OTOG: variants seen among roughly 807,000 people sequenced by gnomAD.
The protein encoded by OTOG is otogelin.
In OTOG, 296 loss-of-function variants were observed where a neutral mutation model predicts 313.8. The observed-to-expected ratio is 0.94, with a 90% confidence interval of 0.86 to 1.04. OTOG has a LOEUF of 1.04. Ranked by LOEUF, OTOG falls within the 50% of genes least tolerant of loss-of-function variation. The pLI is 0.00. For synonymous variants in OTOG, 1,533 were observed against 1,554.9 expected, an observed-to-expected ratio of 0.99 and a Z score of 0.33; for missense variants, 3,948 against 3,840.1, an observed-to-expected ratio of 1.03 and a Z score of -0.74.
chr11:17,573,377 A>G, intron 19 of OTOG, 87 bp downstream of exon 19: 1 of 1,353,040 alleles, frequency 7.4e-7, no homozygotes, highest in Non-Finnish European at 9.9e-7. Context: ...CTCCACTGGG[A>G]TGCCCTCCAG....
rs1321851215 is a variant in OTOG at position 17,600,171 on chromosome 11, C to T, written c.3709+474C>T. On this transcript the variant is annotated intron_variant, in intron 31 of 55. Transcript: ENST00000399397. ...AAACTCAGCCAAGGTTGCAGGGTTCCGGGAGATGCTCTGACATTTAGATTA... is the reference window on the plus strand; with the variant it reads ...AAACTCAGCCAAGGTTGCAGGGTTCTGGGAGATGCTCTGACATTTAGATTA... Among the ~76,000 whole-genome samples, 9 of 151,746 alleles carry T rather than the reference C, an allele frequency of 5.9e-5. 1 individual carries two copies. Among genetic ancestry groups the T allele is most frequent in the South Asian group, 2.1e-4 (1 of 4,808 alleles).
rs1488432436 is a variant in OTOG, at chr11:17,609,938, G to A, written c.4638G>A (p.Thr1546=). 23 of 1,535,492 alleles carry A rather than the reference G, an allele frequency of 1.5e-5. No individual in the cohort carries two copies. The highest frequency in any genetic ancestry group is 6.1e-5 in the South Asian group (5 of 81,446). The change falls in exon 36 of 56, where the codon ACG becomes ACA. Residue 1546 remains threonine (T), a synonymous_variant. Transcript: ENST00000399397. ...LTASQLPAGP[T]ESPASKGVTA... is the part of the protein sequence containing the mutation. The stretch of plus-strand genomic sequence containing the variant: ...CATCTCAACTCCCCGCCGGCCCCAC[G>A]GAGTCCCCAGCCAGCAAGGGAGTGA...
At chr11:17,568,911 T>C (rs1852347756) in intron 15 of OTOG, among the ~76,000 whole-genome samples, 1 of 152,100 alleles carries the variant, frequency 6.6e-6, no homozygotes, top group Non-Finnish European at 1.5e-5. Context: ...AACCTGAGAG[T>C]TGACTACCAT....
rs1315024007 is a variant in OTOG, at chr11:17,597,007, C to T, written c.3682C>T (p.Pro1228Ser). ...TGACTGGCGAACCCCCCGCCTCTGC[C>T]GTGAGTGTCCCAGACAATCACCTGA... Reference protein sequence around the residue: ...AVDWRTPRLCPYDCDFFNKVL... With the variant: ...AVDWRTPRLCSYDCDFFNKVL... The change falls in exon 30 of 56, where the codon CCG becomes TCG. Residue 1228 changes from proline (P) to serine (S), a missense_variant and splice_region_variant. By Grantham distance (74) the Pro-to-Ser change is moderately conservative (BLOSUM62 -1). Transcript: ENST00000399397. 1.1e-5 allele frequency: 17 copies of T among 1,549,728 alleles called. No individual in the cohort carries two copies. Among genetic ancestry groups the T allele is most frequent in the Middle Eastern group, 1.7e-4 (1 of 5,738 alleles).
rs140905897 is a variant in OTOG, at chr11:17,609,090, G to A, written c.4275-40G>A. On this transcript the variant is annotated intron_variant, in intron 34 of 55. Transcript: ENST00000399397. ...GAGAGAAAAAGAGATGGCCCTGCCTGTATTTCAGGCCTTTAAACTGCTCCC... is the reference window on the plus strand; with the variant it reads ...GAGAGAAAAAGAGATGGCCCTGCCTATATTTCAGGCCTTTAAACTGCTCCC... The A allele has an allele frequency of 3.9e-4, 575 of 1,480,728 alleles. No homozygotes were observed. In the African/African-American group the frequency reaches 5.0e-3, roughly 13 times the overall value. 91.7% of individuals were successfully genotyped at this position (1,480,728 alleles called of 1,614,324 possible).
At position 17,559,151 on chromosome 11, in the gene OTOG, C is replaced by A; in HGVS notation, c.1203C>A (p.Leu401=). ...CCTTGCAAGGCTGGAGGACCCAGCT[C>A]CGGCAATGCAGTAGGTGCAGCCCAG... ...GRPLQGWRTQ[L]RQCTVHCKEK... Residue 401 remains leucine (L), a synonymous_variant, in exon 11 of 56, where the codon CTC becomes CTA. Transcript: ENST00000399397. 1 of 1,538,220 alleles carries A rather than the reference C, an allele frequency of 6.5e-7. No homozygotes were observed. Among genetic ancestry groups the A allele is most frequent in the South Asian group, 1.2e-5 (1 of 83,994 alleles).
intron 39 of OTOG, among the ~76,000 whole-genome samples, chr11:17,624,776 C>G (rs1853946301): frequency 6.6e-6 from 1 of 151,984 alleles, no homozygotes; most frequent in Non-Finnish European, 1.5e-5. Context: ...TATTGATTCT[C>G]CCTATCAATG....
chr11:17,553,625 C>G, intron 6 of OTOG, 106 bp downstream of exon 6: 1 of 1,074,240 alleles, frequency 9.3e-7, no homozygotes, highest in South Asian at 3.9e-5. Context: ...GCACCTTCCT[C>G]CTTGCATCGC....
chr11:17,635,247 C>G, intron 46 of OTOG, 60 bp downstream of exon 46: 14 of 1,375,422 alleles, frequency 1.0e-5, no homozygotes, highest in Non-Finnish European at 1.4e-5. Context: ...CCGGCCTCAC[C>G]CCTGTGTCCT....
At chr11:17,590,212 C>T (rs146800782) in intron 24 of OTOG, among the ~76,000 whole-genome samples, 13 of 152,296 alleles carry the variant, frequency 8.5e-5, no homozygotes, top group African/African-American at 3.1e-4. Context: ...CATCACCATA[C>T]GTATGTCTAA....
chr11:17,571,360 A>G (rs957230541), intron 17 of OTOG, among the ~76,000 whole-genome samples: 1 of 152,146 alleles, frequency 6.6e-6, no homozygotes, highest in Non-Finnish European at 1.5e-5. Context: ...CCCCAGAACA[A>G]TAGTTGGGCA....
At chr11:17,557,373 C>T in intron 8 of OTOG, 50 bp downstream of exon 8, 1 of 1,516,966 alleles carries the variant, frequency 6.6e-7, no homozygotes. Context: ...GGATGGGGGA[C>T]AGGTCAGGCT....
At position 17,621,803 on chromosome 11, in the gene OTOG, A is replaced by T. The variant is rs200657387; in HGVS notation, c.6529-7330A>T. 4.6e-5 allele frequency among the ~76,000 whole-genome samples: 7 copies of T among 152,280 alleles called. No individual in the cohort carries two copies. In the East Asian group the frequency reaches 1.3e-3, roughly 29 times the overall value. On this transcript the variant is annotated intron_variant, in intron 39 of 55. Coordinates refer to ENST00000399397, the MANE Select transcript of OTOG (RefSeq NM_001292063.2). ...TTGTTTCCATTTTTTGTTTTCAGGG[A>T]TCACTCTCCTGCATTGCCAACTGTT... is the stretch of plus-strand genomic sequence containing the variant.
chr11:17,641,863 A>G lies in OTOG; in HGVS notation c.8207A>G (p.His2736Arg). 1 of 1,549,974 alleles carries G rather than the reference A, an allele frequency of 6.5e-7. No homozygotes were observed. The highest frequency in any genetic ancestry group is 8.7e-7 in the Non-Finnish European group (1 of 1,146,706). Reference sequence around the variant, plus strand: ...GGCCTGTAGAACCAGGAGTACGAGCACCCGCGGGACCTCGCTGCCTGCTGC... The same window carrying G: ...GGCCTGTAGAACCAGGAGTACGAGCGCCCGCGGGACCTCGCTGCCTGCTGC... ...IHCEANQEYE[H>R]PRDLAACCGS... is the part of the protein sequence containing the mutation. Residue 2736 changes from histidine to arginine, a missense_variant, in exon 52 of 56, where the codon CAC becomes CGC. Physicochemically the swap from His to Arg is conservative, Grantham distance 29. Transcript: ENST00000399397.
intron 31 of OTOG, among the ~76,000 whole-genome samples, chr11:17,601,682 C>A (rs1390359257): frequency 6.6e-6 from 1 of 152,114 alleles, no homozygotes; most frequent in Non-Finnish European, 1.5e-5. Context: ...AAGATCCTTA[C>A]AAGGTGATTG....
chr11:17,565,677 T>C (rs996868430), intron 15 of OTOG, among the ~76,000 whole-genome samples: 1 of 152,252 alleles, frequency 6.6e-6, no homozygotes, highest in African/African-American at 2.4e-5. Context: ...CATAGACTCA[T>C]GGCTGTTTAT....
chr11:17,569,421 G>A, intron 16 of OTOG, 133 bp downstream of exon 16: 1 of 1,281,590 alleles, frequency 7.8e-7, no homozygotes. Context: ...TCAGGATAGG[G>A]GACACTTTGG....
At chr11:17,591,066 G>A (rs755911145) in intron 24 of OTOG, among the ~76,000 whole-genome samples, 1 of 152,074 alleles carries the variant, frequency 6.6e-6, no homozygotes, top group Non-Finnish European at 1.5e-5. Flanking sequence ...AGAGGCAGAC[G>A]GTTTTCTTTT....
At chr11:17,593,518 C>T in intron 26 of OTOG, 92 bp from the exon 27 acceptor site, 1 of 1,495,690 alleles carries the variant, frequency 6.7e-7, no homozygotes, top group Non-Finnish European at 9.0e-7. Flanking sequence ...ATGAGGGAGG[C>T]AGAGGCATTG....
Sources: allele counts gnomAD v4.1 joint callset (sites outside exome capture counted in the v4.1 genomes callset), GRCh38; gene constraint gnomAD v4.1.1; transcripts MANE v1.5; gene names NCBI Gene and HGNC (gene_info 2026-07-23, HGNC 2026-07-21).